Variants in GIGYF2 observed in about 807,000 individuals in gnomAD.
GIGYF2 encodes the protein GRB10 interacting GYF protein 2.
A neutral mutation model predicts 208.1 loss-of-function variants in GIGYF2; 25 were observed. That is an observed-to-expected ratio of 0.12 (90% CI 0.09 to 0.17). The LOEUF is 0.17. Among genes scored for constraint, GIGYF2 ranks in the 10% least tolerant of loss-of-function variants. GIGYF2 has a pLI of 1.00. For missense variants in GIGYF2, 1,302 were observed against 1,579.4 expected, an observed-to-expected ratio of 0.82 and a Z score of 2.98; for synonymous variants, 534 against 543.8, an observed-to-expected ratio of 0.98 and a Z score of 0.25.
chr2:232,856,133 C>T (rs1690560547), intron 28 of GIGYF2, among the ~76,000 whole-genome samples: 1 of 151,960 alleles, frequency 6.6e-6, no homozygotes, highest in Non-Finnish European at 1.5e-5. Flanking sequence ...CGAGGTTTCA[C>T]TATGTTAGCC....
chr2:232,706,517 C>G (rs1042424231), intron 2 of GIGYF2, among the ~76,000 whole-genome samples: 2 of 152,152 alleles, frequency 1.3e-5, no homozygotes, highest in African/African-American at 4.8e-5. Context: ...GTGGCTCACG[C>G]CTGTAATCCC....
In GIGYF2 at chr2:232,708,518, T is replaced by C. The variant is rs572965881; in HGVS notation, c.-44+5029T>C. The stretch of plus-strand genomic sequence containing the variant: ...ATGTAGTGAAAAGCTTGAGGGCTTT[T>C]GAACAGAGAGATGTGGGTTTGATCT... On this transcript the variant is annotated intron_variant, in intron 2 of 28. Coordinates refer to ENST00000373563, the MANE Select transcript of GIGYF2 (RefSeq NM_001103146.3). 2.2e-3 allele frequency among the ~76,000 whole-genome samples: 341 copies of C among 152,160 alleles called. 1 individual carries two copies. Among genetic ancestry groups the C allele is most frequent in the African/African-American group, 7.9e-3 (330 of 41,542 alleles).
chr2:232,774,919 CTGT>C (rs1412030138), intron 8 of GIGYF2, among the ~76,000 whole-genome samples: 1 of 152,172 alleles, frequency 6.6e-6, no homozygotes, highest in Non-Finnish European at 1.5e-5. Context: ...TTTTTCAGGA[CTGT>C]TGTTACTTCT....
intron 21 of GIGYF2, among the ~76,000 whole-genome samples, chr2:232,832,322 G>A (rs1238663583): frequency 6.6e-6 from 1 of 152,218 alleles, no homozygotes; most frequent in Non-Finnish European, 1.5e-5. Flanking sequence ...AGGAAAATGA[G>A]CCCAGGTGAG....
chr2:232,770,355 G>A (rs1699184177), intron 8 of GIGYF2, among the ~76,000 whole-genome samples: 1 of 152,154 alleles, frequency 6.6e-6, no homozygotes, highest in Non-Finnish European at 1.5e-5. Flanking sequence ...TATTTCCAGT[G>A]CATTTTGCTA....
chr2:232,747,555 T>G, intron 3 of GIGYF2, 60 bp from the exon 4 acceptor site: 1 of 1,581,472 alleles, frequency 6.3e-7, no homozygotes, highest in Non-Finnish European at 8.7e-7. Context: ...TGACAGTGTA[T>G]AGTATAAAAA....
At chr2:232,788,492 A>G in intron 9 of GIGYF2, 1 of 444,008 alleles carries the variant, frequency 2.3e-6, no homozygotes, top group Non-Finnish European at 4.7e-6. Flanking sequence ...CCGTAGGCAG[A>G]GGGTTTGTAG....
chr2:232,707,949 C>CT lies in GIGYF2; in HGVS notation c.-44+4468dup, dbSNP rs201133937. Among the ~76,000 whole-genome samples, 1,250 of 151,230 alleles carry CT rather than the reference C, an allele frequency of 8.3e-3. 23 individuals carry two copies. The highest frequency in any genetic ancestry group is 0.029 in the African/African-American group (1,186 of 41,226). On this transcript the variant is annotated intron_variant, in intron 2 of 28. Transcript: ENST00000373563. ...CACCATTCCCAGCCTTTTTGCATTT[C>CT]TTTTTTTTAATTAAAAAAAATATTT...
chr2:232,854,521 T>C (rs1330618749), intron 28 of GIGYF2, among the ~76,000 whole-genome samples: 1 of 152,034 alleles, frequency 6.6e-6, no homozygotes, highest in Non-Finnish European at 1.5e-5. Context: ...TATATATATA[T>C]AAACACTAAG....
intron 21 of GIGYF2, among the ~76,000 whole-genome samples, chr2:232,826,322 G>T (rs1417365256): frequency 6.6e-6 from 1 of 152,186 alleles, no homozygotes; most frequent in South Asian, 2.1e-4. Flanking sequence ...CCCACCAACA[G>T]TGTAAAAGCA....
intron 8 of GIGYF2, among the ~76,000 whole-genome samples, chr2:232,784,386 CTTTTTTTT>C (rs10645449): frequency 4.3e-5 from 4 of 92,312 alleles, no homozygotes; most frequent in Admixed American, 3.2e-4. Flanking sequence ...GAAATAATTT[CTTTTTTTT>C]TTTTTTTTTT....
At chr2:232,804,103 A>C (rs1184246818) in intron 14 of GIGYF2, among the ~76,000 whole-genome samples, 1 of 152,104 alleles carries the variant, frequency 6.6e-6, no homozygotes, top group Non-Finnish European at 1.5e-5. Flanking sequence ...TCTTCTTTTA[A>C]AAAAATTTTT....
In GIGYF2 at chr2:232,762,173, A is replaced by G. The variant is rs1698764704; in HGVS notation, c.532+737A>G. Reference sequence around the variant, plus strand: ...ATTATTACAAGTTCCAAGTCCTACAAGTGCTAAAAAAGTTCTCCAGAGCAT... The same window carrying G: ...ATTATTACAAGTTCCAAGTCCTACAGGTGCTAAAAAAGTTCTCCAGAGCAT... On this transcript the variant is annotated intron_variant, in intron 8 of 28. Coordinates refer to ENST00000373563, the MANE Select transcript of GIGYF2 (RefSeq NM_001103146.3). Among the ~76,000 whole-genome samples, 2 of 151,324 alleles carry G rather than the reference A, an allele frequency of 1.3e-5. 1 individual carries two copies. Among genetic ancestry groups the G allele is most frequent in the South Asian group, 4.2e-4 (2 of 4,796 alleles).
chr2:232,819,071 T>C (rs1260290169), intron 20 of GIGYF2, among the ~76,000 whole-genome samples: 1 of 152,078 alleles, frequency 6.6e-6, no homozygotes, highest in East Asian at 1.9e-4. Context: ...CTTGAAAGGA[T>C]CCACTCTTTT....
chr2:232,795,280 C>T (rs1432316702), intron 13 of GIGYF2, among the ~76,000 whole-genome samples: 2 of 152,090 alleles, frequency 1.3e-5, no homozygotes, highest in African/African-American at 2.4e-5. Context: ...TTTTTTGCTT[C>T]AAGTATAACA....
chr2:232,712,071 G>A (rs560236299), intron 2 of GIGYF2, among the ~76,000 whole-genome samples: 33 of 151,832 alleles, frequency 2.2e-4, no homozygotes, highest in Non-Finnish European at 4.3e-4. Context: ...TCATGGTGAC[G>A]AATAGAAACT....
At chr2:232,800,872 G>A (rs1487641792) in intron 14 of GIGYF2, among the ~76,000 whole-genome samples, 1 of 152,080 alleles carries the variant, frequency 6.6e-6, no homozygotes, top group Non-Finnish European at 1.5e-5. Context: ...GCAACATAGT[G>A]AGACCCTGTC....
chr2:232,750,951 T>C (rs867301592), intron 5 of GIGYF2, among the ~76,000 whole-genome samples: 1 of 152,200 alleles, frequency 6.6e-6, no homozygotes, highest in African/African-American at 2.4e-5. Flanking sequence ...TGTCTCAGCC[T>C]CCTGCATAGC....
At chr2:232,834,039 C>CA (rs1466228256) in intron 22 of GIGYF2, among the ~76,000 whole-genome samples, 1 of 151,920 alleles carries the variant, frequency 6.6e-6, no homozygotes, top group Non-Finnish European at 1.5e-5. Flanking sequence ...GGGAGGAAGG[C>CA]AGAAGCTGGG....
Sources: allele counts gnomAD v4.1 joint callset (sites outside exome capture counted in the v4.1 genomes callset), GRCh38; gene constraint gnomAD v4.1.1; transcripts MANE v1.5; gene names NCBI Gene and HGNC (gene_info 2026-07-23, HGNC 2026-07-21).